PCDHGA1: variants seen among roughly 807,000 people sequenced by gnomAD.
PCDHGA1 encodes protocadherin gamma-A1.
Under a neutral mutation model 58.0 loss-of-function variants are expected in PCDHGA1, and 32 were observed. The ratio of observed to expected loss-of-function variants is 0.55; its 90% CI spans 0.42 to 0.74. The LOEUF is 0.74. PCDHGA1 is among the 30% of genes least tolerant of loss of function. PCDHGA1 has a pLI of 0.00. For missense variants in PCDHGA1, 1,205 were observed against 1,182.3 expected, an observed-to-expected ratio of 1.02 and a Z score of -0.28; for synonymous variants, 498 against 501.1, an observed-to-expected ratio of 0.99 and a Z score of 0.08.
At chr5:141,509,536 A>T (rs778275338) in intron 3 of PCDHGA1, among the ~76,000 whole-genome samples, 1 of 152,130 alleles carries the variant, frequency 6.6e-6, no homozygotes, top group Non-Finnish European at 1.5e-5. Context: ...AGGATGAAGC[A>T]CCATCTCATT....
intron 1 of PCDHGA1, chr5:141,372,153 C>T: frequency 6.2e-7 from 1 of 1,613,800 alleles, no homozygotes; most frequent in East Asian, 2.2e-5. Context: ...GCCTGGCTAC[C>T]TGGTGACCAA....
intron 1 of PCDHGA1, chr5:141,350,559 C>T (rs1009044240): frequency 1.2e-6 from 2 of 1,614,004 alleles, no homozygotes; most frequent in Non-Finnish European, 1.7e-6. Flanking sequence ...CTTGAGTGTG[C>T]ACTAGAATTC....
In PCDHGA1 at chr5:141,422,440, T is replaced by G. The variant is rs1028472076; in HGVS notation, c.2422-72367T>G. 11 of 1,610,116 alleles carry G rather than the reference T, an allele frequency of 6.8e-6. No homozygotes were observed. The highest frequency in any genetic ancestry group is 2.7e-5 in the African/African-American group (2 of 74,560). On this transcript the variant is annotated intron_variant, in intron 1 of 3. Transcript: ENST00000517417. ...AAAGACTTATGGAAATTATTACAAATTGATAACAAGCAGAGTGCTGGACAG... is the reference window on the plus strand; with the variant it reads ...AAAGACTTATGGAAATTATTACAAAGTGATAACAAGCAGAGTGCTGGACAG...
In PCDHGA1 at chr5:141,477,446, C is replaced by A; in HGVS notation, c.2422-17361C>A. 1 of 1,614,196 alleles carries A rather than the reference C, an allele frequency of 6.2e-7. No homozygotes were observed. The highest frequency in any genetic ancestry group is 8.5e-7 in the Non-Finnish European group (1 of 1,180,022). The stretch of plus-strand genomic sequence containing the variant: ...TTCCCTCTCAGCCCTTACAATAGTG[C>A]GTGTTCAAGTGTCCGACATCAATGA... On this transcript the variant is annotated intron_variant, in intron 1 of 3. Transcript: ENST00000517417. The surrounding 1 kb of genome is among the most constrained non-coding windows in gnomAD (Gnocchi z 4.9).
rs371821042 is a variant in PCDHGA1, at chr5:141,421,764, T to C, written c.2422-73043T>C. The C allele has an allele frequency of 8.7e-6, 14 of 1,613,782 alleles. No individual in the cohort carries two copies. The African/African-American group carries it at 1.5e-4, about 17-fold the overall frequency. ...ACCAGCTCAGCCCTAATAATTACTT[T>C]TCCTTGCAACTGCGGGGCAGAACGG... On this transcript the variant is annotated intron_variant, in intron 1 of 3. Transcript: ENST00000517417.
chr5:141,340,232 A>G, intron 1 of PCDHGA1: 1 of 1,613,876 alleles, frequency 6.2e-7, no homozygotes, highest in Non-Finnish European at 8.5e-7. Flanking sequence ...TTACAACATC[A>G]CTCTAACCGC....
At chr5:141,470,469 A>T (rs1423801455) in intron 1 of PCDHGA1, among the ~76,000 whole-genome samples, 1 of 152,194 alleles carries the variant, frequency 6.6e-6, no homozygotes, top group Non-Finnish European at 1.5e-5. Context: ...ATTTTCTGAT[A>T]TTACTAACCC....
intron 1 of PCDHGA1, chr5:141,409,337 A>T: frequency 6.2e-7 from 1 of 1,614,012 alleles, no homozygotes; most frequent in Non-Finnish European, 8.5e-7. Flanking sequence ...TTTCGGAGGA[A>T]ATGGAGAAGT....
rs184835272 is a variant in PCDHGA1, at chr5:141,470,234, C to A, written c.2422-24573C>A. ...AACCATTCAGCTTCTTCACCAAACC[C>A]TTGAATGTCCCACCTGTCTAAATGG... On this transcript the variant is annotated intron_variant, in intron 1 of 3. Transcript: ENST00000517417. Among the ~76,000 whole-genome samples, 6 of 152,288 alleles carry A rather than the reference C, an allele frequency of 3.9e-5. No individual in the cohort carries two copies. The East Asian group carries it at 9.6e-4, about 24-fold the overall frequency.
intron 1 of PCDHGA1, chr5:141,384,444 C>G (rs751427123): frequency 1.9e-6 from 3 of 1,613,906 alleles, no homozygotes; most frequent in Non-Finnish European, 2.5e-6. Context: ...GAGTCCTGTA[C>G]GCGCTGCAAT....
chr5:141,474,242 G>A (rs575397598), intron 1 of PCDHGA1, among the ~76,000 whole-genome samples: 1 of 152,192 alleles, frequency 6.6e-6, no homozygotes, highest in African/African-American at 2.4e-5. Context: ...GCTGAATAGG[G>A]GAAAAAAAGA....
intron 1 of PCDHGA1, chr5:141,417,038 T>TAAA (rs567249795): frequency 5.5e-5 from 8 of 145,968 alleles, no homozygotes; most frequent in East Asian, 2.0e-4. Context: ...GTTTTTTTTT[T>TAAA]AAAAAAAACT....
rs1354607645 is a variant in PCDHGA1, at chr5:141,433,848, A to C, written c.2422-60959A>C. Among the ~76,000 whole-genome samples, 4 of 152,082 alleles carry C rather than the reference A, an allele frequency of 2.6e-5. No individual in the cohort carries two copies. In the East Asian group the frequency reaches 5.8e-4, roughly 22 times the overall value. ...GTGAAACTCTATCTCAAAAAAAAAA[A>C]AAAAAAACTTTATCCTCTAGTTTCA... On this transcript the variant is annotated intron_variant, in intron 1 of 3. Coordinates refer to ENST00000517417, the MANE Select transcript of PCDHGA1 (RefSeq NM_018912.3).
At chr5:141,462,415 C>G (rs998182982) in intron 1 of PCDHGA1, among the ~76,000 whole-genome samples, 2 of 152,092 alleles carry the variant, frequency 1.3e-5, no homozygotes, top group Non-Finnish European at 2.9e-5. Context: ...AGAATATGGT[C>G]TATCTTGGTG....
intron 1 of PCDHGA1, among the ~76,000 whole-genome samples, chr5:141,472,969 A>G: frequency 6.8e-6 from 1 of 147,990 alleles, no homozygotes; most frequent in Non-Finnish European, 1.5e-5. Flanking sequence ...CTGGGGAACA[A>G]GAGTGAAACT....
rs539620413 is a variant in PCDHGA1, at chr5:141,488,489, G to GT, written c.2422-6317dup. Among the ~76,000 whole-genome samples the GT allele has an allele frequency of 1.6e-4, 25 of 152,268 alleles. No homozygotes were observed. In the South Asian group the frequency reaches 4.6e-3, roughly 28 times the overall value. On this transcript the variant is annotated intron_variant, in intron 1 of 3. Transcript: ENST00000517417. ...AGAAATGTTCCCCTACCCAAAAACT[G>GT]TAACACTCATTCCACATTTGGGGTC...
chr5:141,464,328 C>T (rs2099081878), intron 1 of PCDHGA1, among the ~76,000 whole-genome samples: 1 of 150,722 alleles, frequency 6.6e-6, no homozygotes, highest in Admixed American at 6.6e-5. Context: ...CTGTTCAACC[C>T]ATCTATGACT....
intron 1 of PCDHGA1, chr5:141,350,617 A>T: frequency 6.2e-7 from 1 of 1,614,050 alleles, no homozygotes; most frequent in Non-Finnish European, 8.5e-7. Flanking sequence ...TGGTTGTTGT[A>T]ATCCAAGATA....
rs149085110 is a variant in PCDHGA1 at position 141,340,807 on chromosome 5, C to A, written c.2421+7702C>A. On this transcript the variant is annotated intron_variant, in intron 1 of 3. Transcript: ENST00000517417. ...TGTCTTACCACCTGCTCAAGGCCAG[C>A]GAGCCGGGACTCTTCTCGGTGGGTC... The A allele has an allele frequency of 4.8e-5, 78 of 1,613,604 alleles. No homozygotes were observed. The highest frequency in any genetic ancestry group is 6.6e-5 in the Non-Finnish European group (78 of 1,179,992).
Sources: gnomAD v4.1 joint callset for allele counts (sites outside exome capture counted in the v4.1 genomes callset) on GRCh38, gnomAD v4.1.1 for gene constraint, Gnocchi (gnomAD v3.1) non-coding constraint, MANE v1.5 for transcripts, NCBI Gene and HGNC (gene_info 2026-07-23, HGNC 2026-07-21) for gene names.